Variants in PCDHGA3 observed in about 807,000 individuals in gnomAD.
PCDHGA3 encodes the protein protocadherin gamma subfamily A, 3, also known as protocadherin gamma-A3.
In PCDHGA3, 40 loss-of-function variants were observed where a neutral mutation model predicts 58.5. The ratio of observed to expected loss-of-function variants is 0.68; its 90% CI spans 0.53 to 0.89. The LOEUF is 0.89. Among genes scored for constraint, PCDHGA3 ranks in the 40% least tolerant of loss-of-function variants. The pLI, the probability that PCDHGA3 is intolerant of heterozygous loss-of-function variation, is 0.00. For synonymous variants in PCDHGA3, 530 were observed against 525.7 expected (o/e 1.01, Z -0.11); for missense variants, 1,223 against 1,195.9 (o/e 1.02, Z -0.33).
intron 1 of PCDHGA3, among the ~76,000 whole-genome samples, chr5:141,429,369 G>A (rs1368624471): frequency 6.7e-6 from 1 of 148,994 alleles, no homozygotes; most frequent in Non-Finnish European, 1.5e-5. Context: ...AGAAAATGGA[G>A]AAAATGTGTT....
At chr5:141,499,553 A>T (rs1215178587) in intron 2 of PCDHGA3, among the ~76,000 whole-genome samples, 3 of 152,206 alleles carry the variant, frequency 2.0e-5, no homozygotes, top group African/African-American at 4.8e-5. Context: ...CCTGTATGAT[A>T]CCACTATCCA....
chr5:141,410,345 C>T, intron 1 of PCDHGA3: 1 of 1,614,040 alleles, frequency 6.2e-7, no homozygotes, highest in Non-Finnish European at 8.5e-7. Flanking sequence ...TGCCTTGCGC[C>T]TGCGACGCTC....
At chr5:141,376,509 T>C in intron 1 of PCDHGA3, 1 of 1,613,934 alleles carries the variant, frequency 6.2e-7, no homozygotes, top group Admixed American at 1.7e-5. Flanking sequence ...CAACTTCAGG[T>C]GAGTTTCTTT....
intron 1 of PCDHGA3, chr5:141,351,548 T>A (rs1218357607): frequency 6.2e-7 from 1 of 1,613,836 alleles, no homozygotes; most frequent in Admixed American, 1.7e-5. Context: ...AGCCCTTTCC[T>A]CCAGGACAAG....
At position 141,345,595 on chromosome 5, in the gene PCDHGA3, A is replaced by C; in HGVS notation, c.1562A>C (p.Asp521Ala). 6.2e-7 allele frequency: 1 copy of C among 1,614,152 alleles called. No homozygotes were observed. The highest frequency in any genetic ancestry group is 8.5e-7 in the Non-Finnish European group (1 of 1,180,032). Residue 521 changes from aspartate to alanine, a missense_variant, in exon 1 of 4, where the codon GAC becomes GCC. Transcript: ENST00000253812. ...GTCCTATACGCGCTGAGATCCTTCGACTACGAGCAATTTAGAGACTTAAAG... is the reference window on the plus strand; with the variant it reads ...GTCCTATACGCGCTGAGATCCTTCGCCTACGAGCAATTTAGAGACTTAAAG... ...TGVLYALRSFDYEQFRDLKLL... is the reference protein window; with the variant it reads ...TGVLYALRSFAYEQFRDLKLL...
chr5:141,398,854 A>C, intron 1 of PCDHGA3: 1 of 1,613,984 alleles, frequency 6.2e-7, no homozygotes, highest in Non-Finnish European at 8.5e-7. Flanking sequence ...CCCGGTATTC[A>C]ACCGAGACGT....
intron 1 of PCDHGA3, chr5:141,399,349 C>G: frequency 6.2e-7 from 1 of 1,613,932 alleles, no homozygotes; most frequent in Non-Finnish European, 8.5e-7. Context: ...AACCCTAGAC[C>G]GAGAGCAAAC....
intron 1 of PCDHGA3, among the ~76,000 whole-genome samples, chr5:141,438,019 G>A (rs1031334687): frequency 1.3e-5 from 2 of 152,104 alleles, no homozygotes; most frequent in Non-Finnish European, 2.9e-5. Context: ...GAGATTACAG[G>A]TGTGAGCCAC....
At chr5:141,483,761 GA>G (rs1376816525) in intron 1 of PCDHGA3, among the ~76,000 whole-genome samples, 1 of 152,118 alleles carries the variant, frequency 6.6e-6, no homozygotes, top group African/African-American at 2.4e-5. Flanking sequence ...TCGAGGCTTG[GA>G]AAAATATTGG....
At chr5:141,510,272 T>TAA (rs546154379) in intron 3 of PCDHGA3, among the ~76,000 whole-genome samples, 3,403 of 130,344 alleles carry the variant, frequency 0.026, 48 homozygotes, top group East Asian at 0.043. Context: ...GACTCCATCT[T>TAA]AAAAAAAAAA....
At chr5:141,361,169 C>G in intron 1 of PCDHGA3, 2 of 1,613,908 alleles carry the variant, frequency 1.2e-6, no homozygotes, top group Non-Finnish European at 1.7e-6. Context: ...GATTGTGCAC[C>G]TGAAGTTATT....
intron 1 of PCDHGA3, chr5:141,350,419 G>A (rs746243687): frequency 2.4e-5 from 39 of 1,606,950 alleles, no homozygotes; most frequent in Non-Finnish European, 3.1e-5. Context: ...AGGATCTGGG[G>A]CTCAGTGTCC....
At chr5:141,399,504 A>G (rs754910149) in intron 1 of PCDHGA3, 3 of 1,614,000 alleles carry the variant, frequency 1.9e-6, no homozygotes, top group Non-Finnish European at 2.5e-6. Context: ...GTGTACCCGA[A>G]AACAACCCTC....
intron 1 of PCDHGA3, chr5:141,356,861 A>G: frequency 1.2e-6 from 2 of 1,614,148 alleles, no homozygotes; most frequent in South Asian, 1.1e-5. Context: ...TTTGTGCTGG[A>G]CCAGAACGAC....
rs1334965321 is a variant in PCDHGA3, at chr5:141,432,195, C to T, written c.2425-62612C>T. 3 of 1,614,088 alleles carry T rather than the reference C, an allele frequency of 1.9e-6. No homozygotes were observed. The Admixed American group carries it at 5.0e-5, about 27-fold the overall frequency. ...CTCGTCTCTGTGACCGCCCACGACC[C>T]CGACTGTGAAGAGAACGCCCAGATC... On this transcript the variant is annotated intron_variant, in intron 1 of 3. Transcript: ENST00000253812. This position sits in a 1 kb window ranked among gnomAD's most constrained non-coding sequence, Gnocchi z 6.0.
intron 1 of PCDHGA3, chr5:141,385,185 C>T: frequency 1.2e-6 from 2 of 1,614,214 alleles, no homozygotes; most frequent in African/African-American, 1.3e-5. Context: ...TCACCGCGGA[C>T]TCTCGGAAGA....
chr5:141,471,214 A>C (rs757487718), intron 1 of PCDHGA3: 2 of 149,606 alleles, frequency 1.3e-5, no homozygotes, highest in Non-Finnish European at 3.0e-5. Context: ...CATGCCTGGC[A>C]ATTTTTTTGT....
At chr5:141,509,454 G>T (rs1164813611) in intron 3 of PCDHGA3, among the ~76,000 whole-genome samples, 2 of 151,976 alleles carry the variant, frequency 1.3e-5, no homozygotes, top group African/African-American at 2.4e-5. Flanking sequence ...TCCCACCCCC[G>T]ACCCAGTCAG....
chr5:141,405,609 G>A, intron 1 of PCDHGA3: 1 of 562,334 alleles, frequency 1.8e-6, no homozygotes. Context: ...AGAATAACTG[G>A]GACTACAGGC....
Sources: gnomAD v4.1 joint callset for allele counts (sites outside exome capture counted in the v4.1 genomes callset) on GRCh38, gnomAD v4.1.1 for gene constraint, Gnocchi (gnomAD v3.1) non-coding constraint, MANE v1.5 for transcripts, NCBI Gene and HGNC (gene_info 2026-07-23, HGNC 2026-07-21) for gene names.